Variants in SLCO6A1 observed in about 807,000 individuals in gnomAD.
SLCO6A1 encodes the protein cancer/testis antigen 48.
A neutral mutation model predicts 72.7 loss-of-function variants in SLCO6A1; 65 were observed. That is an observed-to-expected ratio of 0.89 (90% CI 0.73 to 1.10). SLCO6A1 has a LOEUF of 1.10. Ranked by LOEUF, SLCO6A1 falls within the 50% of genes least tolerant of loss-of-function variation. The probability of loss-of-function intolerance (pLI) is 0.00; values close to 1 mark genes in which losing one functional copy is unlikely to be tolerated. For synonymous variants in SLCO6A1, 314 were observed against 298.2 expected, an observed-to-expected ratio of 1.05 and a Z score of -0.55; for missense variants, 874 against 872.6, an observed-to-expected ratio of 1.00 and a Z score of -0.02.
At chr5:102,419,485 C>T (rs1249866899) in intron 8 of SLCO6A1, among the ~76,000 whole-genome samples, 1 of 152,128 alleles carries the variant, frequency 6.6e-6, no homozygotes, top group Non-Finnish European at 1.5e-5. Context: ...GCAGACAAAC[C>T]AATTCAGAAA....
At chr5:102,411,997 G>A (rs954456604) in intron 9 of SLCO6A1, among the ~76,000 whole-genome samples, 3 of 152,124 alleles carry the variant, frequency 2.0e-5, no homozygotes, top group Non-Finnish European at 4.4e-5. Flanking sequence ...GCCACTATGA[G>A]ACTTCAAAAG....
At position 102,438,684 on chromosome 5, in the gene SLCO6A1, A is replaced by G. The variant is rs748078870; in HGVS notation, c.1209T>C (p.Ser403=). The G allele has an allele frequency of 6.9e-6, 11 of 1,601,132 alleles. No homozygotes were observed. Among genetic ancestry groups the G allele is most frequent in the Non-Finnish European group, 9.4e-6 (11 of 1,174,482 alleles). Reference sequence around the variant, plus strand: ...TTTCTAAATATATAGGCAAAAATTCAGAAGCTCCAATAATAACTAAATATT... The same window carrying G: ...TTTCTAAATATATAGGCAAAAATTCGGAAGCTCCAATAATAACTAAATATT... ...ATEYLVIIGA[S]EFLPIYLENQ... Residue 403 remains serine, a synonymous_variant, in exon 7 of 14, where the codon TCT becomes TCC. Coordinates refer to ENST00000506729, the MANE Select transcript of SLCO6A1 (RefSeq NM_173488.5).
intron 4 of SLCO6A1, among the ~76,000 whole-genome samples, chr5:102,464,276 C>T (rs935918418): frequency 5.6e-4 from 85 of 152,166 alleles, no homozygotes; most frequent in African/African-American, 2.0e-3. Flanking sequence ...TGATAAAAAA[C>T]TTTTAAAGTT....
At chr5:102,389,457 CA>C (rs1456552529) in intron 11 of SLCO6A1, among the ~76,000 whole-genome samples, 214 of 83,162 alleles carry the variant, frequency 2.6e-3, no homozygotes, top group Non-Finnish European at 3.9e-3. Flanking sequence ...CCCCCACCCC[CA>C]CACACACAGA....
chr5:102,372,823 T>G (rs1270527382), intron 13 of SLCO6A1, among the ~76,000 whole-genome samples: 3 of 151,926 alleles, frequency 2.0e-5, no homozygotes, highest in Non-Finnish European at 4.4e-5. Flanking sequence ...TGAGGAAACC[T>G]CTGTATGTCA....
intron 1 of SLCO6A1, among the ~76,000 whole-genome samples, chr5:102,492,348 A>T (rs1752720834): frequency 6.6e-6 from 1 of 152,240 alleles, no homozygotes; most frequent in Non-Finnish European, 1.5e-5. Flanking sequence ...AATGAAAAAA[A>T]ATGTCTTTGA....
At chr5:102,472,372 T>C (rs1751672335) in intron 4 of SLCO6A1, among the ~76,000 whole-genome samples, 1 of 152,114 alleles carries the variant, frequency 6.6e-6, no homozygotes, top group Non-Finnish European at 1.5e-5. Context: ...TAAACAACCA[T>C]GGAACTATTC....
At chr5:102,487,478 C>T (rs574842372) in intron 1 of SLCO6A1, among the ~76,000 whole-genome samples, 1 of 152,292 alleles carries the variant, frequency 6.6e-6, no homozygotes, top group South Asian at 2.1e-4. Context: ...ACAAAGTGTG[C>T]TTAGACTACT....
At chr5:102,453,108 T>G (rs1252264310) in intron 6 of SLCO6A1, among the ~76,000 whole-genome samples, 3 of 152,296 alleles carry the variant, frequency 2.0e-5, no homozygotes, top group Non-Finnish European at 2.9e-5. Context: ...TAATTTTTTG[T>G]GCAATTCTTC....
At chr5:102,447,019 T>C (rs1358644663) in intron 6 of SLCO6A1, among the ~76,000 whole-genome samples, 1 of 152,248 alleles carries the variant, frequency 6.6e-6, no homozygotes, top group Non-Finnish European at 1.5e-5. Flanking sequence ...CCCAGAGTGC[T>C]GGGATTACAG....
At chr5:102,417,174 T>C (rs1216810592) in intron 8 of SLCO6A1, among the ~76,000 whole-genome samples, 1 of 152,174 alleles carries the variant, frequency 6.6e-6, no homozygotes, top group East Asian at 1.9e-4. Context: ...TTTCTTTTGC[T>C]TGTTGTTAAT....
intron 4 of SLCO6A1, among the ~76,000 whole-genome samples, chr5:102,472,082 A>G (rs575458528): frequency 6.6e-6 from 1 of 152,180 alleles, no homozygotes; most frequent in Non-Finnish European, 1.5e-5. Context: ...GGCAAAACCC[A>G]AGTGAAATCT....
At position 102,495,831 on chromosome 5, in the gene SLCO6A1, A is replaced by G. The variant is rs1295537759; in HGVS notation, c.358+2656T>C. ...TGAGTCTGGTCATCAGAAAACATCA[A>G]ACAGACCCAGATTGAAGCTCATCCT... On this transcript the variant is annotated intron_variant, in intron 1 of 13. Coordinates refer to ENST00000506729, the MANE Select transcript of SLCO6A1 (RefSeq NM_173488.5). Among the ~76,000 whole-genome samples, 3 of 152,134 alleles carry G rather than the reference A, an allele frequency of 2.0e-5. No homozygotes were observed. In the South Asian group the frequency reaches 6.2e-4, roughly 32 times the overall value.
At position 102,391,058 on chromosome 5, in the gene SLCO6A1, A is replaced by T. The variant is rs1370340318; in HGVS notation, c.1815-13T>A. The T allele has an allele frequency of 6.2e-7, 1 of 1,609,334 alleles. No homozygotes were observed. Among genetic ancestry groups the T allele is most frequent in the Admixed American group, 1.7e-5 (1 of 59,982 alleles). ...GTCAGGTACAACCCTGAAAGTAAAT[A>T]GCAATGATATAATCAGCACATCATT... On this transcript the variant is annotated splice_polypyrimidine_tract_variant and intron_variant, in intron 10 of 13. Transcript: ENST00000506729.
intron 6 of SLCO6A1, among the ~76,000 whole-genome samples, chr5:102,439,378 T>C (rs1279661366): frequency 2.0e-5 from 3 of 152,118 alleles, no homozygotes; most frequent in Admixed American, 2.0e-4. Context: ...GATAGTAAAA[T>C]ATTAACTTTC....
In SLCO6A1 at chr5:102,481,231, ATT is replaced by A. The variant is rs66694222; in HGVS notation, c.359-799_359-798del. On this transcript the variant is annotated intron_variant, in intron 1 of 13. Coordinates refer to ENST00000506729, the MANE Select transcript of SLCO6A1 (RefSeq NM_173488.5). ...CTGCTGTTAGAACTGCAATCACTAC[ATT>A]TTTTTTTTGGCAGGAAGCCAGGAGC... Among the ~76,000 whole-genome samples, 252 of 151,508 alleles carry A rather than the reference ATT, an allele frequency of 1.7e-3. 1 individual carries two copies. The highest frequency in any genetic ancestry group is 5.1e-3 in the African/African-American group (210 of 41,268).
intron 6 of SLCO6A1, among the ~76,000 whole-genome samples, chr5:102,444,203 G>A (rs951825001): frequency 6.6e-6 from 1 of 152,196 alleles, no homozygotes; most frequent in Non-Finnish European, 1.5e-5. Flanking sequence ...AACAAATGAT[G>A]AGGAGGAAAT....
At chr5:102,399,354 G>T (rs899788534) in intron 10 of SLCO6A1, among the ~76,000 whole-genome samples, 1 of 151,890 alleles carries the variant, frequency 6.6e-6, no homozygotes, top group Non-Finnish European at 1.5e-5. Context: ...TAAACAATGT[G>T]ATATTTACAT....
intron 1 of SLCO6A1, among the ~76,000 whole-genome samples, chr5:102,498,172 G>T (rs1021185648): frequency 1.3e-5 from 2 of 151,900 alleles, no homozygotes; most frequent in Non-Finnish European, 2.9e-5. Context: ...ATCCCAGAAT[G>T]CTGGAGAGAC....
Sources: gnomAD v4.1 joint callset for allele counts (sites outside exome capture counted in the v4.1 genomes callset) on GRCh38, gnomAD v4.1.1 for gene constraint, MANE v1.5 for transcripts, NCBI Gene and HGNC (gene_info 2026-07-23, HGNC 2026-07-21) for gene names.